Variants in CADM2 observed in about 807,000 individuals in gnomAD.
The protein encoded by CADM2 is immunoglobulin superfamily member 4D.
A neutral mutation model predicts 49.8 loss-of-function variants in CADM2; 12 were observed. The observed-to-expected ratio is 0.24, with a 90% CI of 0.15 to 0.39. The LOEUF (loss-of-function observed/expected upper bound fraction) is 0.39. Among genes scored for constraint, CADM2 ranks in the 10% least tolerant of loss-of-function variants. The pLI is 1.00. For synonymous variants in CADM2, 214 were observed against 175.4 expected (o/e 1.22, Z -1.74); for missense variants, 378 against 492.3 (o/e 0.77, Z 2.20).
intron 1 of CADM2, among the ~76,000 whole-genome samples, chr3:85,341,272 GAGAA>G (rs1436573080): frequency 2.0e-5 from 3 of 151,774 alleles, no homozygotes; most frequent in African/African-American, 7.2e-5. Context: ...GAACTAAAGA[GAGAA>G]ATAAGGAGGA....
At chr3:85,368,366 G>T (rs1467147307) in intron 1 of CADM2, among the ~76,000 whole-genome samples, 1 of 151,916 alleles carries the variant, frequency 6.6e-6, no homozygotes, top group Non-Finnish European at 1.5e-5. Context: ...ATGATTAGAG[G>T]GGAGTGGGCT....
At chr3:85,517,998 T>C (rs2060943584) in intron 1 of CADM2, among the ~76,000 whole-genome samples, 1 of 152,130 alleles carries the variant, frequency 6.6e-6, no homozygotes, top group Non-Finnish European at 1.5e-5. Flanking sequence ...AGGACACAAT[T>C]CAGCTATGTT....
chr3:85,754,884 A>G (rs2069036706), intron 2 of CADM2, among the ~76,000 whole-genome samples: 1 of 152,212 alleles, frequency 6.6e-6, no homozygotes, highest in Non-Finnish European at 1.5e-5. Flanking sequence ...CGTGCAACTC[A>G]AAAGGATCTT....
intron 1 of CADM2, among the ~76,000 whole-genome samples, chr3:85,672,338 G>T (rs902029116): frequency 1.3e-5 from 2 of 151,686 alleles, no homozygotes; most frequent in East Asian, 3.9e-4. Flanking sequence ...GACTACAGGT[G>T]CCCGCCACCA....
chr3:85,329,660 G>T (rs935715054), intron 1 of CADM2, among the ~76,000 whole-genome samples: 1 of 152,042 alleles, frequency 6.6e-6, no homozygotes. Context: ...CAAATTATGT[G>T]TGTGTATAAA....
intron 8 of CADM2, among the ~76,000 whole-genome samples, chr3:86,056,443 G>T (rs1395389183): frequency 4.6e-5 from 7 of 152,178 alleles, no homozygotes; most frequent in African/African-American, 1.2e-4. Context: ...AACAAACAGG[G>T]TATCTTTTTC....
At chr3:85,499,293 A>G (rs1428500221) in intron 1 of CADM2, among the ~76,000 whole-genome samples, 1 of 152,076 alleles carries the variant, frequency 6.6e-6, no homozygotes, top group Non-Finnish European at 1.5e-5. Context: ...CATTCTGACA[A>G]TGTTTCGTTT....
chr3:85,525,844 T>A (rs2061148398), intron 1 of CADM2, among the ~76,000 whole-genome samples: 1 of 152,144 alleles, frequency 6.6e-6, no homozygotes, highest in East Asian at 1.9e-4. Context: ...ATGTATAGTT[T>A]ACATCTTTGA....
chr3:85,153,175 G>A (rs1031428242), intron 1 of CADM2, among the ~76,000 whole-genome samples: 11 of 152,066 alleles, frequency 7.2e-5, no homozygotes, highest in South Asian at 2.1e-4. Context: ...CAGAGGTACC[G>A]GGTTCATCTC....
chr3:86,058,711 A>G (rs1040296792), intron 8 of CADM2, among the ~76,000 whole-genome samples: 10 of 152,112 alleles, frequency 6.6e-5, no homozygotes, highest in African/African-American at 2.2e-4. Context: ...AATATTTTAA[A>G]TAAAATGATT....
chr3:85,628,778 A>G (rs186928470), intron 1 of CADM2, among the ~76,000 whole-genome samples: 1 of 150,884 alleles, frequency 6.6e-6, no homozygotes, highest in Non-Finnish European at 1.5e-5. Flanking sequence ...TAAAGGCTCA[A>G]ATGGTGATTA....
intron 1 of CADM2, among the ~76,000 whole-genome samples, chr3:85,394,964 C>G (rs1435080337): frequency 6.6e-6 from 1 of 152,008 alleles, no homozygotes. Context: ...TAGTTTTCTC[C>G]TAAAATATCG....
intron 1 of CADM2, among the ~76,000 whole-genome samples, chr3:85,679,975 C>G (rs187984778): frequency 1.3e-4 from 19 of 151,946 alleles, no homozygotes; most frequent in African/African-American, 3.4e-4. Flanking sequence ...CCATTTAATA[C>G]CAGGAGTGTC....
intron 1 of CADM2, among the ~76,000 whole-genome samples, chr3:85,715,736 A>G (rs544879964): frequency 6.6e-6 from 1 of 152,204 alleles, no homozygotes; most frequent in African/African-American, 2.4e-5. Context: ...ACTCCCACTT[A>G]TGAGTGAGAA....
intron 7 of CADM2, among the ~76,000 whole-genome samples, chr3:85,939,193 C>A (rs1721533547): frequency 6.6e-6 from 1 of 151,956 alleles, no homozygotes; most frequent in Admixed American, 6.6e-5. Context: ...TGGACTGAAG[C>A]CTTTTGCCAT....
intron 1 of CADM2, among the ~76,000 whole-genome samples, chr3:85,156,922 T>G (rs2040145884): frequency 6.6e-6 from 1 of 152,126 alleles, no homozygotes; most frequent in Non-Finnish European, 1.5e-5. Context: ...GACGACATGA[T>G]TGTATATCTA....
rs35077990 is a variant in CADM2, at chr3:85,705,026, ATT to A, written c.62-21477_62-21476del. On this transcript the variant is annotated intron_variant, in intron 1 of 9. Coordinates refer to ENST00000383699, the MANE Select transcript of CADM2 (RefSeq NM_001167675.2). ...GGTGCCCACCACCACGCCTGGCTAA[ATT>A]TTTTTTTTTTTTTTTTTTAAATAGA... is the stretch of plus-strand genomic sequence containing the variant. Among the ~76,000 whole-genome samples the A allele has an allele frequency of 3.6e-3, 471 of 131,838 alleles. 1 individual carries two copies. The highest frequency in any genetic ancestry group is 0.01 in the African/African-American group (366 of 35,322). 86.5% of individuals were successfully genotyped at this position (131,838 alleles called of 152,430 possible).
At position 85,999,677 on chromosome 3, in the gene CADM2, AAG is replaced by A. The variant is rs566848926; in HGVS notation, c.970+38032_970+38033del. On this transcript the variant is annotated intron_variant, in intron 8 of 9. Transcript: ENST00000383699. ...AAGAAAAAAGAAAGAAAGAAAGAAA[AAG>A]AAAGAAAAGAAAGAATGAAAGAAAC... is the stretch of plus-strand genomic sequence containing the variant. Among the ~76,000 whole-genome samples, 815 of 151,802 alleles carry A rather than the reference AAG, an allele frequency of 5.4e-3. 8 individuals carry two copies. Among genetic ancestry groups the A allele is most frequent in the African/African-American group, 0.019 (771 of 41,438 alleles).
At chr3:85,344,337 C>T (rs1051115913) in intron 1 of CADM2, among the ~76,000 whole-genome samples, 5 of 151,156 alleles carry the variant, frequency 3.3e-5, no homozygotes, top group Admixed American at 6.6e-5. Flanking sequence ...GCAGAGATTG[C>T]GCCACTGCAC....
Sources: gnomAD v4.1 joint callset for allele counts (sites outside exome capture counted in the v4.1 genomes callset) on GRCh38, gnomAD v4.1.1 for gene constraint, MANE v1.5 for transcripts, NCBI Gene and HGNC (gene_info 2026-07-23, HGNC 2026-07-21) for gene names.